ADGRL2: variants seen among roughly 807,000 people sequenced by gnomAD.
ADGRL2 encodes adhesion G protein-coupled receptor L2, also known as calcium-independent alpha-latrotoxin receptor 2.
In ADGRL2, 44 loss-of-function variants were observed where a neutral mutation model predicts 157.4. The observed-to-expected ratio is 0.28, with a 90% CI of 0.22 to 0.36. The LOEUF is 0.36. Ranked by LOEUF, ADGRL2 falls within the 10% of genes least tolerant of loss-of-function variation. The pLI is 1.00. For synonymous variants in ADGRL2, 585 were observed against 624.7 expected (o/e 0.94, Z 0.95); for missense variants, 1,510 against 1,768.9 (o/e 0.85, Z 2.63).
In ADGRL2 at chr1:81,940,820, A is replaced by G. The variant is rs146501786; in HGVS notation, c.398-1214A>G. Among the ~76,000 whole-genome samples, 33 of 151,680 alleles carry G rather than the reference A, an allele frequency of 2.2e-4. No homozygotes were observed. The East Asian group carries it at 6.0e-3, about 27-fold the overall frequency. On this transcript the variant is annotated intron_variant, in intron 4 of 23. Transcript: ENST00000686636. ...TTTAGGCAACATACTTCAAGCCTAT[A>G]TACAATGTAAAGTAGTATTTTATGG...
chr1:81,366,462 A>T (rs1046370451), intron 1 of ADGRL2, among the ~76,000 whole-genome samples: 3 of 152,210 alleles, frequency 2.0e-5, no homozygotes, highest in Non-Finnish European at 4.4e-5. Flanking sequence ...AATTAAACAC[A>T]GAACTTATTT....
chr1:81,752,233 G>A lies in ADGRL2; in HGVS notation c.-142-9578G>A, dbSNP rs961303832. Reference sequence around the variant, plus strand: ...TCTGTGAGGAAGTCCAAGCGGAAGGGCCCTTGCCAGACATTGAATGTGCAG... The same window carrying A: ...TCTGTGAGGAAGTCCAAGCGGAAGGACCCTTGCCAGACATTGAATGTGCAG... On this transcript the variant is annotated intron_variant, in intron 1 of 20. Coordinates refer to the ADGRL2 transcript ENST00000359929. Among the ~76,000 whole-genome samples, 5 of 152,140 alleles carry A rather than the reference G, an allele frequency of 3.3e-5. No individual in the cohort carries two copies. The East Asian group carries it at 9.7e-4, about 29-fold the overall frequency.
intron 17 of ADGRL2, among the ~76,000 whole-genome samples, chr1:81,974,816 A>G (rs999391625): frequency 1.3e-5 from 2 of 152,050 alleles, no homozygotes; most frequent in African/African-American, 4.8e-5. Flanking sequence ...GTTCATCAAT[A>G]TGGGTGATGT....
chr1:81,375,042 A>C (rs527863941), intron 1 of ADGRL2, among the ~76,000 whole-genome samples: 1 of 152,320 alleles, frequency 6.6e-6, no homozygotes, highest in Non-Finnish European at 1.5e-5. Context: ...CATGAGAGGC[A>C]GTTATCATGG....
Position 81,722,694 on chromosome 1 carries a change from A to T in ADGRL2, c.-143+22886A>T, listed in dbSNP as rs954193359. Reference sequence around the variant, plus strand: ...AACCTAGGGCACAGGAAATTGCAGAAGAAAGTATGAGCGAAACGTGAAGAG... The same window carrying T: ...AACCTAGGGCACAGGAAATTGCAGATGAAAGTATGAGCGAAACGTGAAGAG... On this transcript the variant is annotated intron_variant, in intron 1 of 20. Coordinates refer to the ADGRL2 transcript ENST00000359929. 2.7e-5 allele frequency: 29 copies of T among 1,082,706 alleles called. No individual in the cohort carries two copies. The African/African-American group carries it at 4.3e-4, about 16-fold the overall frequency. 67.1% of individuals were successfully genotyped at this position (1,082,706 alleles called of 1,614,324 possible). A position where few individuals can be genotyped will look rare whatever the true frequency, so the allele number is the denominator to read the frequency against.
At chr1:81,954,317 T>C (rs1652784707) in intron 10 of ADGRL2, among the ~76,000 whole-genome samples, 1 of 151,604 alleles carries the variant, frequency 6.6e-6, no homozygotes, top group South Asian at 2.1e-4. Flanking sequence ...AAATAAGGAG[T>C]GTTTCAAATT....
intron 2 of ADGRL2, among the ~76,000 whole-genome samples, chr1:81,869,199 T>C (rs991981127): frequency 6.6e-6 from 1 of 152,126 alleles, no homozygotes; most frequent in South Asian, 2.1e-4. Context: ...TGTTAAGATA[T>C]ACTTATAAAT....
rs535933320 is a variant in ADGRL2 at position 81,719,896 on chromosome 1, T to A, written c.-143+20088T>A. Reference sequence around the variant, plus strand: ...TATCCTCTACCTGGTAGTCTATTTTTAAAATGTGATATGGGAGAAAACATG... The same window carrying A: ...TATCCTCTACCTGGTAGTCTATTTTAAAAATGTGATATGGGAGAAAACATG... On this transcript the variant is annotated intron_variant, in intron 1 of 20. Coordinates refer to the ADGRL2 transcript ENST00000359929. Among the ~76,000 whole-genome samples, 5 of 152,314 alleles carry A rather than the reference T, an allele frequency of 3.3e-5. No homozygotes were observed. The South Asian group carries it at 8.3e-4, about 25-fold the overall frequency.
chr1:81,488,676 C>T (rs1483910103), intron 2 of ADGRL2, among the ~76,000 whole-genome samples: 1 of 151,864 alleles, frequency 6.6e-6, no homozygotes, highest in Non-Finnish European at 1.5e-5. Flanking sequence ...TGCTGCACTC[C>T]AGCCTAGGTG....
At chr1:81,508,269 C>T (rs1288150082) in intron 2 of ADGRL2, among the ~76,000 whole-genome samples, 1 of 152,172 alleles carries the variant, frequency 6.6e-6, no homozygotes, top group African/African-American at 2.4e-5. Flanking sequence ...CATGTTCTAC[C>T]TTCACTTTCT....
chr1:81,441,771 C>T (rs1408526995), intron 1 of ADGRL2, among the ~76,000 whole-genome samples: 1 of 152,176 alleles, frequency 6.6e-6, no homozygotes, highest in Non-Finnish European at 1.5e-5. Context: ...AACTCCTGAC[C>T]TCATGATCCG....
chr1:81,480,009 T>A (rs1370037756), intron 2 of ADGRL2, among the ~76,000 whole-genome samples: 1 of 152,180 alleles, frequency 6.6e-6, no homozygotes, highest in Non-Finnish European at 1.5e-5. Flanking sequence ...GTAAGGAAAC[T>A]TAATTTCAGA....
intron 1 of ADGRL2, among the ~76,000 whole-genome samples, chr1:81,356,051 A>C (rs1663262565): frequency 6.6e-6 from 1 of 152,182 alleles, no homozygotes; most frequent in African/African-American, 2.4e-5. Flanking sequence ...ACCAATTGAC[A>C]TGAAATTACC....
intron 2 of ADGRL2, among the ~76,000 whole-genome samples, chr1:81,553,614 A>T (rs2080203779): frequency 6.6e-6 from 1 of 152,206 alleles, no homozygotes; most frequent in Admixed American, 6.5e-5. Context: ...ATTACCACTC[A>T]TTTAAAAATC....
chr1:81,496,914 G>T (rs1188560997), intron 2 of ADGRL2, among the ~76,000 whole-genome samples: 2 of 151,830 alleles, frequency 1.3e-5, no homozygotes, highest in Admixed American at 6.6e-5. Context: ...TCCTTTTCTG[G>T]GTTGGCTTTG....
intron 3 of ADGRL2, among the ~76,000 whole-genome samples, chr1:81,679,407 G>GAA (rs56271921): frequency 0.35 from 51,652 of 146,440 alleles, 9,008 homozygotes; most frequent in Admixed American, 0.42. Context: ...ATGGTAGTAA[G>GAA]AAAAAAAAAA....
intron 3 of ADGRL2, among the ~76,000 whole-genome samples, chr1:81,630,795 C>A (rs1321000664): frequency 3.3e-5 from 5 of 152,072 alleles, no homozygotes; most frequent in Non-Finnish European, 5.9e-5. Context: ...GTGGCAAAAA[C>A]CCTGTCAACT....
At chr1:81,777,638 C>T (rs2086640267) in intron 2 of ADGRL2, among the ~76,000 whole-genome samples, 2 of 152,116 alleles carry the variant, frequency 1.3e-5, no homozygotes, top group African/African-American at 4.8e-5. Context: ...TGGCACATGC[C>T]TGTAGTCCCA....
At chr1:81,822,446 C>T (rs1451594163) in intron 1 of ADGRL2, among the ~76,000 whole-genome samples, 2 of 151,180 alleles carry the variant, frequency 1.3e-5, no homozygotes, top group East Asian at 3.9e-4. Flanking sequence ...TTTTAGTGTA[C>T]TTTGAAAATG....
Sources: allele counts gnomAD v4.1 joint callset (sites outside exome capture counted in the v4.1 genomes callset), GRCh38; gene constraint gnomAD v4.1.1; transcripts MANE v1.5; gene names NCBI Gene and HGNC (gene_info 2026-07-23, HGNC 2026-07-21).